PODXL: variants seen among roughly 807,000 people sequenced by gnomAD.
The protein encoded by PODXL is podocalyxin.
In PODXL, 20 loss-of-function variants were observed where a neutral mutation model predicts 48.9. The ratio of observed to expected loss-of-function variants is 0.41; its 90% CI spans 0.29 to 0.59. The LOEUF (loss-of-function observed/expected upper bound fraction) is 0.59, where lower values mean the gene tolerates loss of function less well. Among genes scored for constraint, PODXL ranks in the 20% least tolerant of loss-of-function variants. The pLI, the probability that PODXL is intolerant of heterozygous loss-of-function variation, is 0.31. For missense variants in PODXL, 606 were observed against 675.1 expected, an observed-to-expected ratio of 0.90 and a Z score of 1.13; for synonymous variants, 295 against 287.4, an observed-to-expected ratio of 1.03 and a Z score of -0.27.
At chr7:131,506,547 C>T in intron 6 of PODXL, 32 bp downstream of exon 6, 1 of 1,608,368 alleles carries the variant, frequency 6.2e-7, no homozygotes, top group Non-Finnish European at 8.5e-7. Flanking sequence ...CCCATGCAGG[C>T]CCCAGCCCAG....
chr7:131,510,931 T>TG lies in PODXL; in HGVS notation c.602dup (p.Thr202AsnfsTer6). 1 of 1,614,112 alleles carries TG rather than the reference T, an allele frequency of 6.2e-7. No individual in the cohort carries two copies. Among genetic ancestry groups the TG allele is most frequent in the Non-Finnish European group, 8.5e-7 (1 of 1,180,014 alleles). On this transcript the variant is annotated frameshift_variant, in exon 2 of 9. Transcript: ENST00000378555. LOFTEE classifies it high-confidence loss of function. ...TAAGATGGTCATGTCCCGAGCTTGT[T>TG]GGGGTGGCCACAGGATGCGTCGAAG...
intron 1 of PODXL, among the ~76,000 whole-genome samples, chr7:131,513,333 C>T (rs1797946314): frequency 6.6e-6 from 1 of 152,120 alleles, no homozygotes; most frequent in African/African-American, 2.4e-5. Flanking sequence ...AGATCAACTG[C>T]TTGTTGATGT....
At chr7:131,512,145 T>G (rs555263452) in intron 1 of PODXL, among the ~76,000 whole-genome samples, 53 of 152,150 alleles carry the variant, frequency 3.5e-4, no homozygotes, top group Non-Finnish European at 6.2e-4. Context: ...AGGTGAGCTG[T>G]GCCAAGAAAG....
chr7:131,550,607 C>A (rs1798652596), intron 1 of PODXL, among the ~76,000 whole-genome samples: 1 of 151,850 alleles, frequency 6.6e-6, no homozygotes. Context: ...CTGCACTCCA[C>A]CCTTGGCAAC....
rs765529188 is a variant in PODXL, at chr7:131,556,404, C to T, written c.-45G>A. ...CGGGAGCAGGTGGCTGCGGTGCCGG[C>T]GGAGGATCCGCGCGTCCGGGCGGTA... On this transcript the variant is annotated 5_prime_UTR_variant, in exon 1 of 9. Coordinates refer to ENST00000378555, the MANE Select transcript of PODXL (RefSeq NM_001018111.3). The T allele has an allele frequency of 1.5e-6, 2 of 1,335,272 alleles. No homozygotes were observed. Among genetic ancestry groups the T allele is most frequent in the East Asian group, 2.9e-5 (1 of 34,620 alleles). The allele number at this position is 1,335,272 out of a possible 1,614,324, so 82.7% of individuals were successfully genotyped here.
At chr7:131,519,294 C>T (rs1166603414) in intron 1 of PODXL, among the ~76,000 whole-genome samples, 3 of 152,082 alleles carry the variant, frequency 2.0e-5, no homozygotes, top group East Asian at 1.9e-4. Flanking sequence ...CAGCTGATCT[C>T]GGGTAACTAA....
intron 1 of PODXL, among the ~76,000 whole-genome samples, chr7:131,532,786 C>T (rs1798304573): frequency 6.6e-6 from 1 of 152,084 alleles, no homozygotes; most frequent in Non-Finnish European, 1.5e-5. Context: ...TAGATGAGGT[C>T]CTGAGGATGG....
In PODXL at chr7:131,556,293, A is replaced by G. The variant is rs199826494; in HGVS notation, c.67T>C (p.Ser23Pro). ...LLSTPPLLPS[S>P]PSPSPSPSQN... ...GAGGGCGACGGCGACGGCGACGGCG[A>G]CGACGGCAGCAGCGGCGGCGTTGAC... Residue 23 changes from serine (S) to proline (P), a missense_variant, in exon 1 of 9, where the codon TCG becomes CCG. Transcript: ENST00000378555. The G allele has an allele frequency of 6.7e-7, 1 of 1,493,196 alleles. No individual in the cohort carries two copies. Among genetic ancestry groups the G allele is most frequent in the Non-Finnish European group, 8.9e-7 (1 of 1,126,624 alleles). The allele number at this position is 1,493,196 out of a possible 1,614,324, so 92.5% of individuals were successfully genotyped here.
intron 5 of PODXL, 143 bp from the exon 6 acceptor site, chr7:131,506,869 C>G (rs981014902): frequency 3.7e-6 from 3 of 802,124 alleles, no homozygotes; most frequent in African/African-American, 1.7e-5. Context: ...TGGTGCTCCA[C>G]GCAGGCCTGC....
At chr7:131,534,772 G>A (rs917172321) in intron 1 of PODXL, among the ~76,000 whole-genome samples, 2 of 152,158 alleles carry the variant, frequency 1.3e-5, no homozygotes, top group Non-Finnish European at 2.9e-5. Context: ...ACACATGGCC[G>A]GGTGTGGTGG....
intron 1 of PODXL, among the ~76,000 whole-genome samples, chr7:131,549,555 G>C (rs1052980867): frequency 7.2e-5 from 11 of 152,124 alleles, no homozygotes; most frequent in Admixed American, 6.6e-4. Context: ...CCTCCTCACC[G>C]GCTTGCTTAA....
intron 5 of PODXL, among the ~76,000 whole-genome samples, chr7:131,508,703 A>C (rs1797852279): frequency 1.1e-5 from 1 of 87,008 alleles, no homozygotes; most frequent in Non-Finnish European, 2.1e-5. Context: ...AGCCGAGGAA[A>C]CCGGGGGGTG....
intron 6 of PODXL, 22 bp from the exon 7 acceptor site, chr7:131,506,343 C>T: frequency 1.9e-6 from 3 of 1,613,400 alleles, no homozygotes; most frequent in South Asian, 2.2e-5. Flanking sequence ...GGAGACGATG[C>T]CCAATGGCCC....
At chr7:131,505,181 A>G (rs1010875106) in intron 8 of PODXL, among the ~76,000 whole-genome samples, 1 of 152,188 alleles carries the variant, frequency 6.6e-6, no homozygotes, top group Non-Finnish European at 1.5e-5. Context: ...GAATTCTAGT[A>G]AGGTAGGCAG....
intron 1 of PODXL, among the ~76,000 whole-genome samples, chr7:131,532,725 A>G (rs986008257): frequency 9.9e-5 from 15 of 152,192 alleles, no homozygotes; most frequent in Admixed American, 8.5e-4. Flanking sequence ...GGAAGCCCCA[A>G]CCCCCAGCGT....
chr7:131,524,629 A>T (rs1304811658), intron 1 of PODXL, among the ~76,000 whole-genome samples: 1 of 152,192 alleles, frequency 6.6e-6, no homozygotes, highest in Non-Finnish European at 1.5e-5. Flanking sequence ...AATGCTAAAC[A>T]GGATCTCTCA....
At chr7:131,515,315 C>T (rs1797976135) in intron 1 of PODXL, among the ~76,000 whole-genome samples, 1 of 152,168 alleles carries the variant, frequency 6.6e-6, no homozygotes, top group Admixed American at 6.5e-5. Flanking sequence ...CTTTAAAAGA[C>T]TTTAAAAGCT....
chr7:131,513,795 T>TGGC (rs1797952947), intron 1 of PODXL, among the ~76,000 whole-genome samples: 1 of 152,222 alleles, frequency 6.6e-6, no homozygotes, highest in African/African-American at 2.4e-5. Context: ...GCCCTGCATG[T>TGGC]GGCCTCCAGC....
intron 1 of PODXL, among the ~76,000 whole-genome samples, chr7:131,512,645 G>A (rs554665310): frequency 2.6e-4 from 40 of 152,154 alleles, no homozygotes; most frequent in Admixed American, 2.0e-3. Context: ...GCAACTGAGC[G>A]TCCAAACCAG....
Sources: allele counts gnomAD v4.1 joint callset (sites outside exome capture counted in the v4.1 genomes callset), GRCh38; gene constraint gnomAD v4.1.1; transcripts MANE v1.5; gene names NCBI Gene and HGNC (gene_info 2026-07-23, HGNC 2026-07-21).